Variants in IRGQ observed in about 807,000 individuals in gnomAD.
IRGQ encodes immunity-related GTPase family Q protein.
A neutral mutation model predicts 10.5 loss-of-function variants in IRGQ; 5 were observed. The ratio of observed to expected loss-of-function variants is 0.48; its 90% confidence interval spans 0.25 to 1.00. The LOEUF (loss-of-function observed/expected upper bound fraction) is 1.00, where lower values mean the gene tolerates loss of function less well. IRGQ is among the 50% of genes least tolerant of loss of function. The probability of loss-of-function intolerance (pLI) is 0.16; values close to 1 mark genes in which losing one functional copy is unlikely to be tolerated. For synonymous variants in IRGQ, 418 were observed against 426.0 expected, an observed-to-expected ratio of 0.98 and a Z score of 0.23; for missense variants, 792 against 877.7, an observed-to-expected ratio of 0.90 and a Z score of 1.23.
chr19:43,584,477 T>C lies in IRGQ; in HGVS notation c.*7549A>G, dbSNP rs1972971083. Reference sequence around the variant, plus strand: ...GCTCAGAAGGCTGTCACATTGGCAGTCACACAGCTAAAAAGTGGCAGAATT... The same window carrying C: ...GCTCAGAAGGCTGTCACATTGGCAGCCACACAGCTAAAAAGTGGCAGAATT... On this transcript the variant is annotated 3_prime_UTR_variant, in exon 3 of 3. Transcript: ENST00000422989. The C allele has an allele frequency of 6.6e-6, 1 of 152,246 alleles. No homozygotes were observed. The highest frequency in any genetic ancestry group is 2.4e-5 in the African/African-American group (1 of 41,442). 9.4% of individuals were successfully genotyped at this position (152,246 alleles called of 1,614,324 possible).
At position 43,589,200 on chromosome 19, in the gene IRGQ, G is replaced by C. The variant is rs563585157; in HGVS notation, c.*2826C>G. ...TCCCAGGTCCCTGACCTCAGACAAG[G>C]GTGTTCTCTCCCATTAAATGCTTTT... On this transcript the variant is annotated 3_prime_UTR_variant, in exon 3 of 3. Coordinates refer to ENST00000422989, the MANE Select transcript of IRGQ (RefSeq NM_001007561.3). 6.6e-6 allele frequency: 1 copy of C among 152,152 alleles called. No homozygotes were observed. The highest frequency in any genetic ancestry group is 2.4e-5 in the African/African-American group (1 of 41,418). 9.4% of individuals were successfully genotyped at this position (152,152 alleles called of 1,614,324 possible).
chr19:43,592,601 GGAACACT>G lies in IRGQ; in HGVS notation c.1290_1296del (p.Val431ProfsTer119). ...CCTGGGAGTCCGCCAGGCCGTAGGG[GGAACACT>G]GGCGGCGGCGCCTCCTCCAGCACCT... is the stretch of plus-strand genomic sequence containing the variant. On this transcript the variant is annotated frameshift_variant, in exon 3 of 3. Coordinates refer to ENST00000422989, the MANE Select transcript of IRGQ (RefSeq NM_001007561.3). LOFTEE classifies it low-confidence loss of function (END_TRUNC). The G allele has an allele frequency of 1.2e-6, 2 of 1,601,100 alleles. No individual in the cohort carries two copies. Among genetic ancestry groups the G allele is most frequent in the Non-Finnish European group, 8.5e-7 (1 of 1,179,864 alleles).
In IRGQ at chr19:43,588,663, G is replaced by A. The variant is rs1973021870; in HGVS notation, c.*3363C>T. 2 of 152,266 alleles carry A rather than the reference G, an allele frequency of 1.3e-5. No individual in the cohort carries two copies. The highest frequency in any genetic ancestry group is 4.8e-5 in the African/African-American group (2 of 41,458). The allele number at this position is 152,266 out of a possible 1,614,324, so 9.4% of individuals were successfully genotyped here. Reference sequence around the variant, plus strand: ...GAACCTGGGAGGCGGAGGTTGCAGTGAGGCGAGATCGTGCCACTGCACTCC... The same window carrying A: ...GAACCTGGGAGGCGGAGGTTGCAGTAAGGCGAGATCGTGCCACTGCACTCC... On this transcript the variant is annotated 3_prime_UTR_variant, in exon 3 of 3. Transcript: ENST00000422989.
Position 43,595,085 on chromosome 19 carries a change from G to T in IRGQ, c.254C>A (p.Pro85His). Residue 85 changes from proline (P) to histidine (H), a missense_variant, in exon 2 of 3, where the codon CCC becomes CAC. Transcript: ENST00000422989. ...ANVLVLVLPG[P>H]EGNGEPLAPA... ...AGCCAACGGTTCCCCGTTCCCCTCG[G>T]GTCCGGGCAGCACCAGTACCAGCAC... 6.2e-7 allele frequency: 1 copy of T among 1,611,378 alleles called. No homozygotes were observed. The highest frequency in any genetic ancestry group is 1.1e-5 in the South Asian group (1 of 90,898).
chr19:43,592,174 C>T lies in IRGQ; in HGVS notation c.1724G>A (p.Gly575Glu), dbSNP rs1343240064. The change falls in exon 3 of 3, where the codon GGG becomes GAG. Residue 575 changes from glycine to glutamate, a missense_variant. Coordinates refer to ENST00000422989, the MANE Select transcript of IRGQ (RefSeq NM_001007561.3). ...GEGTAGGAAL[G>E]ALSFLWPAGG... The stretch of plus-strand genomic sequence containing the variant: ...CGCAGGCCACAGGAAGGAGAGAGCC[C>T]CCAGTGCTGCGCCCCCAGCAGTGCC... 1.2e-6 allele frequency: 2 copies of T among 1,604,954 alleles called. No individual in the cohort carries two copies. The highest frequency in any genetic ancestry group is 2.7e-5 in the African/African-American group (2 of 74,852).
In IRGQ at chr19:43,590,384, C is replaced by T. The variant is rs1354622478; in HGVS notation, c.*1642G>A. On this transcript the variant is annotated 3_prime_UTR_variant, in exon 3 of 3. Transcript: ENST00000422989. ...GATTCTATCGCTTGGATTCTCAGAT[C>T]CTCCTTTTCTGTTTTTGACACTGAA... 6.6e-6 allele frequency: 1 copy of T among 152,198 alleles called. No homozygotes were observed. The highest frequency in any genetic ancestry group is 6.5e-5 in the Admixed American group (1 of 15,274). 9.4% of individuals were successfully genotyped at this position (152,198 alleles called of 1,614,324 possible).
rs776498754 is a variant in IRGQ, at chr19:43,592,136, C to T, written c.1762G>A (p.Ala588Thr). 1.9e-6 allele frequency: 3 copies of T among 1,611,120 alleles called. No individual in the cohort carries two copies. The highest frequency in any genetic ancestry group is 2.5e-6 in the Non-Finnish European group (3 of 1,179,698). The change falls in exon 3 of 3, where the codon GCG becomes ACG. Residue 588 changes from alanine (A) to threonine (T), a missense_variant. Physicochemically the swap from Ala to Thr is moderately conservative, Grantham distance 58. Transcript: ENST00000422989. ...GCTCGGTAGCCCAGGCCACCTGTCG[C>T]CGCTGCACCACCCGCAGGCCACAGG... ...SFLWPAGGAA[A>T]TGGLGYRAAH...
In IRGQ at chr19:43,593,768, CA is replaced by C. The variant is rs1973093294; in HGVS notation, c.531-402del. 6.6e-6 allele frequency among the ~76,000 whole-genome samples: 1 copy of C among 152,144 alleles called. No individual in the cohort carries two copies. Among genetic ancestry groups the C allele is most frequent in the Admixed American group, 6.5e-5 (1 of 15,270 alleles). On this transcript the variant is annotated intron_variant, in intron 2 of 2. Transcript: ENST00000422989. This position sits in a 1 kb window ranked among gnomAD's most constrained non-coding sequence, Gnocchi z 6.4. Reference sequence around the variant, plus strand: ...TCGCAACTGTATTGTGGCCTAAACACAAGTCCAGCACTATTTGAGACAAGGT... The same window carrying C: ...TCGCAACTGTATTGTGGCCTAAACACAGTCCAGCACTATTTGAGACAAGGT...
Position 43,592,316 on chromosome 19 carries a change from C to A in IRGQ, c.1582G>T (p.Ala528Ser). The A allele has an allele frequency of 6.4e-7, 1 of 1,569,986 alleles. No homozygotes were observed. ...AGGCCCAGGGCACGCTCACGTCGAG[C>A]CAGTGCCGTGGGTTCCAGCCCCAGG... ...RGLGLEPTAL[A>S]RRERALGLAS... The change falls in exon 3 of 3, where the codon GCT (alanine) becomes TCT (serine). Residue 528 changes from alanine to serine, a missense_variant. Ala to Ser is a moderately conservative substitution (Grantham distance 99). Transcript: ENST00000422989.
Position 43,590,925 on chromosome 19 carries a change from A to G in IRGQ, c.*1101T>C, listed in dbSNP as rs8113762. On this transcript the variant is annotated 3_prime_UTR_variant, in exon 3 of 3. Transcript: ENST00000422989. ...ATGCTTTACTGCCCTTCCACACCCA[A>G]AAGACCTCATTCCTGGTCCCTGGCT... 46,540 of 151,842 alleles carry G rather than the reference A, an allele frequency of 0.31. 7,589 individuals carry two copies. The highest frequency in any genetic ancestry group is 0.47 in the East Asian group (2,437 of 5,146). 9.4% of individuals were successfully genotyped at this position (151,842 alleles called of 1,614,324 possible).
rs978241463 is a variant in IRGQ, at chr19:43,593,760, C to A, written c.531-393G>T. ...ACAAAGAATCGCAACTGTATTGTGG[C>A]CTAAACACAAGTCCAGCACTATTTG... is the stretch of plus-strand genomic sequence containing the variant. On this transcript the variant is annotated intron_variant, in intron 2 of 2. Transcript: ENST00000422989. The surrounding 1 kb of genome is among the most constrained non-coding windows in gnomAD (Gnocchi z 6.4). 6.6e-6 allele frequency among the ~76,000 whole-genome samples: 1 copy of A among 152,092 alleles called. No individual in the cohort carries two copies. The highest frequency in any genetic ancestry group is 1.5e-5 in the Non-Finnish European group (1 of 68,030).
Position 43,592,536 on chromosome 19 carries a change from C to T in IRGQ, c.1362G>A (p.Gln454=), listed in dbSNP as rs779520623. The change falls in exon 3 of 3, where the codon CAG becomes CAA. Residue 454 remains glutamine (Q), a synonymous_variant. Transcript: ENST00000422989. The part of the protein sequence containing the change: ...EWLRRALPPA[Q]AGALLLALPP... ...GCAACGCCAGCAGCAGTGCCCCTGC[C>T]TGGGCTGGGGGGAGCGCTCGCCGCA... 6.3e-6 allele frequency: 10 copies of T among 1,596,738 alleles called. No homozygotes were observed. In the East Asian group the frequency reaches 2.0e-4, roughly 32 times the overall value.
rs1973024635 is a variant in IRGQ, at chr19:43,588,859, A to G, written c.*3167T>C. 6.6e-6 allele frequency: 1 copy of G among 152,258 alleles called. No homozygotes were observed. Among genetic ancestry groups the G allele is most frequent in the African/African-American group, 2.4e-5 (1 of 41,464 alleles). The allele number at this position is 152,258 out of a possible 1,614,324, so 9.4% of individuals were successfully genotyped here. On this transcript the variant is annotated 3_prime_UTR_variant, in exon 3 of 3. Transcript: ENST00000422989. ...GACACTAATATGATGGGGTAAAGATATGGATGAATATTCTTCCCCAAAGCT... is the reference window on the plus strand; with the variant it reads ...GACACTAATATGATGGGGTAAAGATGTGGATGAATATTCTTCCCCAAAGCT...
chr19:43,594,581 C>G (rs902476540), intron 2 of IRGQ, among the ~76,000 whole-genome samples: 2 of 152,102 alleles, frequency 1.3e-5, no homozygotes, highest in African/African-American at 4.8e-5. Context: ...CGCCTGTAAT[C>G]CTAGCACTTT....
chr19:43,586,431 A>T lies in IRGQ; in HGVS notation c.*5595T>A, dbSNP rs1318184743. ...ACTGTGTAAACACAACCAATCTACAACTATATCAACACAACCAGCACTCCT... is the reference window on the plus strand; with the variant it reads ...ACTGTGTAAACACAACCAATCTACATCTATATCAACACAACCAGCACTCCT... On this transcript the variant is annotated 3_prime_UTR_variant, in exon 3 of 3. Transcript: ENST00000422989. 2.0e-5 allele frequency: 3 copies of T among 152,126 alleles called. No individual in the cohort carries two copies. The highest frequency in any genetic ancestry group is 4.4e-5 in the Non-Finnish European group (3 of 68,026). The allele number at this position is 152,126 out of a possible 1,614,324, so 9.4% of individuals were successfully genotyped here. A position where few individuals can be genotyped will look rare whatever the true frequency, so the allele number is the denominator to read the frequency against.
rs1314675929 is a variant in IRGQ at position 43,584,458 on chromosome 19, A to T, written c.*7568T>A. Reference sequence around the variant, plus strand: ...TTTTCAGGAGACATCAGAGGCTCAGAAGGCTGTCACATTGGCAGTCACACA... The same window carrying T: ...TTTTCAGGAGACATCAGAGGCTCAGTAGGCTGTCACATTGGCAGTCACACA... On this transcript the variant is annotated 3_prime_UTR_variant, in exon 3 of 3. Coordinates refer to ENST00000422989, the MANE Select transcript of IRGQ (RefSeq NM_001007561.3). 6.6e-6 allele frequency: 1 copy of T among 152,246 alleles called. No individual in the cohort carries two copies. Among genetic ancestry groups the T allele is most frequent in the African/African-American group, 2.4e-5 (1 of 41,460 alleles). 9.4% of individuals were successfully genotyped at this position (152,246 alleles called of 1,614,324 possible). A position where few individuals can be genotyped will look rare whatever the true frequency, so the allele number is the denominator to read the frequency against.
chr19:43,595,758 GC>G (rs1005384753), intron 1 of IRGQ, among the ~76,000 whole-genome samples: 1 of 151,796 alleles, frequency 6.6e-6, no homozygotes, highest in African/African-American at 2.4e-5. Flanking sequence ...TGCGCCTGTA[GC>G]CCCAGCTACT....
Position 43,592,356 on chromosome 19 carries a change from C to T in IRGQ, c.1542G>A (p.Ala514=), listed in dbSNP as rs761746160. 3.8e-6 allele frequency: 6 copies of T among 1,574,730 alleles called. No homozygotes were observed. The highest frequency in any genetic ancestry group is 4.7e-5 in the East Asian group (2 of 42,744). ...CCAGCCCCAGGCCCCGTCGCCACTC[C>T]GCCAGCTGACCCCGCAGAAGTGCCA... The part of the protein sequence containing the change: ...CDVALLRGQL[A]EWRRGLGLEP... The change falls in exon 3 of 3, where the codon GCG becomes GCA. Residue 514 remains alanine, a synonymous_variant. Transcript: ENST00000422989.
In IRGQ at chr19:43,592,555, C is replaced by G; in HGVS notation, c.1343G>C (p.Arg448Pro). ...CCCTGCCTGGGCTGGGGGGAGCGCTCGCCGCAGCCATTCGCATAGCCCTGG... is the reference window on the plus strand; with the variant it reads ...CCCTGCCTGGGCTGGGGGGAGCGCTGGCCGCAGCCATTCGCATAGCCCTGG... Reference protein sequence around the residue: ...GLPGLCEWLRRALPPAQAGAL... With the variant: ...GLPGLCEWLRPALPPAQAGAL... Residue 448 changes from arginine to proline, a missense_variant, in exon 3 of 3, where the codon CGA becomes CCA. Transcript: ENST00000422989. The G allele has an allele frequency of 6.3e-7, 1 of 1,597,224 alleles. No homozygotes were observed. Among genetic ancestry groups the G allele is most frequent in the Non-Finnish European group, 8.5e-7 (1 of 1,178,648 alleles).
Sources: allele counts gnomAD v4.1 joint callset (sites outside exome capture counted in the v4.1 genomes callset), GRCh38; gene constraint gnomAD v4.1.1; non-coding constraint Gnocchi (gnomAD v3.1); transcripts MANE v1.5; gene names NCBI Gene and HGNC (gene_info 2026-07-23, HGNC 2026-07-21).